The following CSNK1G3 variants were observed in gnomAD, a reference collection of about 807,000 sequenced individuals.
The protein encoded by CSNK1G3 is casein kinase I isoform gamma-3.
Under a neutral mutation model 64.3 loss-of-function variants are expected in CSNK1G3, and 23 were observed. The ratio of observed to expected loss-of-function variants is 0.36; its 90% CI spans 0.26 to 0.51. CSNK1G3 has a LOEUF of 0.51. Ranked by LOEUF, CSNK1G3 falls within the 20% of genes least tolerant of loss-of-function variation. The probability of loss-of-function intolerance (pLI) is 0.96; values close to 1 mark genes in which losing one functional copy is unlikely to be tolerated. For missense variants in CSNK1G3, 357 were observed against 510.5 expected (o/e 0.70, Z 2.90); for synonymous variants, 158 against 162.2 (o/e 0.97, Z 0.20).
At chr5:123,547,593 T>C (rs796173018) in intron 2 of CSNK1G3, among the ~76,000 whole-genome samples, 49 of 152,266 alleles carry the variant, frequency 3.2e-4, no homozygotes, top group African/African-American at 1.2e-3. Flanking sequence ...CTTTCTTTTG[T>C]AGTCTGTGAA....
chr5:123,513,686 T>C (rs977365981), intron 1 of CSNK1G3, among the ~76,000 whole-genome samples: 4 of 152,142 alleles, frequency 2.6e-5, no homozygotes, highest in African/African-American at 9.7e-5. Context: ...ATATCTAAGA[T>C]GGGATATAAA....
chr5:123,595,064 A>G (rs746166497), intron 10 of CSNK1G3: 1 of 1,613,448 alleles, frequency 6.2e-7, no homozygotes, highest in South Asian at 1.1e-5. Flanking sequence ...GCAGCTTGGG[A>G]CTCCCAGCAG....
chr5:123,585,409 G>C (rs1579036), intron 6 of CSNK1G3, among the ~76,000 whole-genome samples: 1 of 151,774 alleles, frequency 6.6e-6, no homozygotes, highest in African/African-American at 2.4e-5. Context: ...CTTGTGGGTA[G>C]AGATTTCCTA....
chr5:123,593,317 G>T (rs1012732731), intron 10 of CSNK1G3, among the ~76,000 whole-genome samples: 2 of 151,762 alleles, frequency 1.3e-5, no homozygotes, highest in South Asian at 4.2e-4. Flanking sequence ...TGATAGAAAA[G>T]TTGTATATTT....
chr5:123,600,197 TAAATA>T (rs1794201949), intron 10 of CSNK1G3, among the ~76,000 whole-genome samples: 1 of 152,176 alleles, frequency 6.6e-6, no homozygotes, highest in Admixed American at 6.5e-5. Context: ...GCTGAATACA[TAAATA>T]AAATATATAA....
intron 10 of CSNK1G3, among the ~76,000 whole-genome samples, chr5:123,599,947 A>G (rs1405238066): frequency 6.6e-6 from 1 of 152,130 alleles, no homozygotes; most frequent in Non-Finnish European, 1.5e-5. Context: ...GTTAATTGAA[A>G]ATCCATTTTG....
At position 123,582,906 on chromosome 5, in the gene CSNK1G3, A is replaced by G. The variant is rs144436432; in HGVS notation, c.674-5162A>G. Among the ~76,000 whole-genome samples the G allele has an allele frequency of 3.8e-3, 577 of 152,344 alleles. 2 individuals carry two copies. The highest frequency in any genetic ancestry group is 6.0e-3 in the Admixed American group (92 of 15,306). On this transcript the variant is annotated intron_variant, in intron 6 of 12. Transcript: ENST00000345990. ...TCCAGATATGTCAGTTGGTGAAAGA[A>G]CACAAAAAAAGAAATTATGAGGGTA...
At chr5:123,519,969 C>T (rs551659885) in intron 1 of CSNK1G3, among the ~76,000 whole-genome samples, 5 of 152,274 alleles carry the variant, frequency 3.3e-5, no homozygotes, top group African/African-American at 1.2e-4. Context: ...GTACAGATAC[C>T]TGTGTTCTTA....
At chr5:123,566,912 T>C (rs1322807117) in intron 4 of CSNK1G3, among the ~76,000 whole-genome samples, 1 of 152,204 alleles carries the variant, frequency 6.6e-6, no homozygotes, top group African/African-American at 2.4e-5. Context: ...TTTTCTTATG[T>C]TATCTTTTCT....
intron 6 of CSNK1G3, among the ~76,000 whole-genome samples, chr5:123,585,633 C>A (rs1191398941): frequency 6.6e-6 from 1 of 152,126 alleles, no homozygotes; most frequent in Non-Finnish European, 1.5e-5. Context: ...GTAAGACAAT[C>A]CAATTTTTTA....
Position 123,594,518 on chromosome 5 carries a change from A to C in CSNK1G3, c.1086+3104A>C, listed in dbSNP as rs1204103048. Among the ~76,000 whole-genome samples, 3 of 152,166 alleles carry C rather than the reference A, an allele frequency of 2.0e-5. 1 individual carries two copies. The highest frequency in any genetic ancestry group is 7.2e-5 in the African/African-American group (3 of 41,440). ...TTTCAAAGAACTTTTCTGTTTTCTC[A>C]TATTATCCTTAGAATCAGAAATGGG... On this transcript the variant is annotated intron_variant, in intron 10 of 12. Coordinates refer to ENST00000345990, the Ensembl canonical transcript of CSNK1G3.
At chr5:123,594,893 C>T in intron 10 of CSNK1G3, 146 bp from the exon 11 acceptor site, 1 of 586,658 alleles carries the variant, frequency 1.7e-6, no homozygotes, top group Non-Finnish European at 2.9e-6. Context: ...ATTCTGTATA[C>T]AAAGATAACT....
intron 6 of CSNK1G3, among the ~76,000 whole-genome samples, chr5:123,578,310 A>T (rs4240370): frequency 0.6 from 91,625 of 151,634 alleles, 28,966 homozygotes; most frequent in African/African-American, 0.79. Flanking sequence ...TTGTTTCATA[A>T]TCTTGACAAC....
chr5:123,583,470 C>T (rs1790728231), intron 6 of CSNK1G3, among the ~76,000 whole-genome samples: 1 of 151,960 alleles, frequency 6.6e-6, no homozygotes, highest in African/African-American at 2.4e-5. Flanking sequence ...AAGCGATTCT[C>T]CTGCCTCAGC....
chr5:123,535,858 C>T (rs1166331826), intron 1 of CSNK1G3, among the ~76,000 whole-genome samples: 2 of 152,108 alleles, frequency 1.3e-5, no homozygotes, highest in Admixed American at 6.6e-5. Flanking sequence ...CTTTCTGCCT[C>T]TCTCTCCCTC....
At chr5:123,523,790 G>A (rs1220572841) in intron 1 of CSNK1G3, among the ~76,000 whole-genome samples, 2 of 152,126 alleles carry the variant, frequency 1.3e-5, no homozygotes, top group African/African-American at 4.8e-5. Context: ...TGTGTGTTTG[G>A]TACAAATTGA....
At chr5:123,561,303 T>C (rs973237570) in intron 4 of CSNK1G3, among the ~76,000 whole-genome samples, 1 of 152,170 alleles carries the variant, frequency 6.6e-6, no homozygotes, top group African/African-American at 2.4e-5. Flanking sequence ...CATCAGCACA[T>C]AGATGGTTTT....
At chr5:123,541,637 G>A (rs754977431) in intron 1 of CSNK1G3, among the ~76,000 whole-genome samples, 13 of 152,048 alleles carry the variant, frequency 8.5e-5, no homozygotes, top group Non-Finnish European at 1.3e-4. Context: ...TCACCATGTT[G>A]CCCAGGCTGG....
At chr5:123,561,894 A>G (rs1437327625) in intron 4 of CSNK1G3, among the ~76,000 whole-genome samples, 1 of 152,124 alleles carries the variant, frequency 6.6e-6, no homozygotes, top group Non-Finnish European at 1.5e-5. Context: ...TGGTATAGTA[A>G]AAAAGTTCTG....
Sources: gnomAD v4.1 joint callset for allele counts (sites outside exome capture counted in the v4.1 genomes callset) on GRCh38, gnomAD v4.1.1 for gene constraint, MANE v1.5 for transcripts, NCBI Gene and HGNC (gene_info 2026-07-23, HGNC 2026-07-21) for gene names.